The following RTL4 variants were observed in gnomAD, a reference collection of about 807,000 sequenced individuals.
RTL4 encodes the protein retrotransposon Gag-like protein 4.
Under a neutral mutation model 5.3 loss-of-function variants are expected in RTL4, and 4 were observed. The observed-to-expected ratio is 0.75, with a 90% CI of 0.37 to 1.72. The LOEUF is 1.72. Ranked by LOEUF, RTL4 falls within the 40% of genes most tolerant of loss-of-function variation. The pLI, the probability that RTL4 is intolerant of heterozygous loss-of-function variation, is 0.04. For missense variants in RTL4, 260 were observed against 227.1 expected (o/e 1.14, Z -0.93); for synonymous variants, 98 against 87.3 (o/e 1.12, Z -0.68).
At chrX:112,356,579 G>GTGT in the RTL4 span, among the ~76,000 whole-genome samples, 1 of 99,438 alleles carries the variant, frequency 1.0e-5, no homozygotes, top group African/African-American at 3.7e-5. Context: ...TTTGTTTTGG[G>GTGT]GTGTGTGTGT....
the RTL4 span, among the ~76,000 whole-genome samples, chrX:112,329,254 A>G: frequency 9.0e-6 from 1 of 111,199 alleles, no homozygotes; most frequent in Non-Finnish European, 1.9e-5. Flanking sequence ...AAATTGATAG[A>G]CCGCTAGCAA....
At chrX:112,102,826 A>G in the RTL4 span, among the ~76,000 whole-genome samples, 2 of 112,457 alleles carry the variant, frequency 1.8e-5, no homozygotes, top group South Asian at 7.3e-4. Context: ...AAACATATGA[A>G]TAAAAGGTCA....
chrX:112,454,224 A>G (rs1028206296), upstream of RTL4, among the ~76,000 whole-genome samples: 4 of 111,841 alleles, frequency 3.6e-5, no homozygotes, highest in African/African-American at 1.3e-4. Context: ...ATACGTAATG[A>G]GCTTAAAAAA....
the RTL4 span, among the ~76,000 whole-genome samples, chrX:112,175,555 C>T: frequency 1.8e-5 from 2 of 108,717 alleles, no homozygotes; most frequent in African/African-American, 6.7e-5. Flanking sequence ...ATTGACTTGG[C>T]AATGCGGGCT....
chrX:112,130,271 C>T, the RTL4 span, among the ~76,000 whole-genome samples: 3 of 101,286 alleles, frequency 3.0e-5, no homozygotes, highest in Non-Finnish European at 4.0e-5. Flanking sequence ...GAGACGGAGT[C>T]GATTTTTCTA....
the RTL4 span, among the ~76,000 whole-genome samples, chrX:112,419,337 C>CTTTTTTTTTTT: frequency 3.3e-4 from 8 of 24,392 alleles, 2 homozygotes; most frequent in African/African-American, 5.5e-4. Context: ...TTCCATTCAG[C>CTTTTTTTTTTT]TTTTTTTTTT....
chrX:112,264,020 G>T, the RTL4 span, among the ~76,000 whole-genome samples: 1 of 111,556 alleles, frequency 9.0e-6, no homozygotes, highest in Non-Finnish European at 1.9e-5. Flanking sequence ...CTCCCTGATG[G>T]ATGGACTTGA....
At chrX:112,424,121 G>T in the RTL4 span, among the ~76,000 whole-genome samples, 1 of 111,683 alleles carries the variant, frequency 9.0e-6, no homozygotes, top group Non-Finnish European at 1.9e-5. Context: ...GTTTTTTCCA[G>T]TTGGAACTTA....
chrX:112,326,296 G>A, the RTL4 span, among the ~76,000 whole-genome samples: 17 of 111,550 alleles, frequency 1.5e-4, no homozygotes, highest in Middle Eastern at 4.2e-3. Context: ...GTGGATGTGC[G>A]CACCGTGCAT....
chrX:112,297,953 C>T, the RTL4 span, among the ~76,000 whole-genome samples: 91 of 111,704 alleles, frequency 8.1e-4, no homozygotes, highest in African/African-American at 2.6e-3. Context: ...GGGTCTAAGA[C>T]TTAATCATGT....
the RTL4 span, among the ~76,000 whole-genome samples, chrX:112,226,392 G>A: frequency 8.9e-6 from 1 of 111,777 alleles, no homozygotes; most frequent in Non-Finnish European, 1.9e-5. Flanking sequence ...CCATCACTAT[G>A]GGATGCGTTA....
chrX:112,393,166 T>G, the RTL4 span, among the ~76,000 whole-genome samples: 6 of 95,837 alleles, frequency 6.3e-5, no homozygotes, highest in African/African-American at 3.1e-4. Context: ...TTTTTGTTTT[T>G]TTTTTTTGTT....
At chrX:112,100,250 A>G in the RTL4 span, among the ~76,000 whole-genome samples, 1 of 112,242 alleles carries the variant, frequency 8.9e-6, no homozygotes, top group East Asian at 2.8e-4. Flanking sequence ...GTGGGAGCAG[A>G]CATGAGATTG....
the RTL4 span, among the ~76,000 whole-genome samples, chrX:112,282,204 A>T: frequency 8.9e-6 from 1 of 112,182 alleles, no homozygotes; most frequent in Non-Finnish European, 1.9e-5. Context: ...CTTCATGTGG[A>T]TATCCACTTG....
the RTL4 span, among the ~76,000 whole-genome samples, chrX:112,087,357 G>A: frequency 2.8e-4 from 30 of 106,703 alleles, no homozygotes; most frequent in Non-Finnish European, 5.2e-4. Context: ...TCCAATTGTG[G>A]GGAAAAGGGC....
chrX:112,392,374 A>T, the RTL4 span, among the ~76,000 whole-genome samples: 1 of 111,348 alleles, frequency 9.0e-6, no homozygotes, highest in Middle Eastern at 4.7e-3. Flanking sequence ...TTCCCTAGTC[A>T]CCTCCGATTT....
chrX:112,369,222 G>A, the RTL4 span, among the ~76,000 whole-genome samples: 2 of 112,832 alleles, frequency 1.8e-5, no homozygotes, highest in Non-Finnish European at 3.8e-5. Context: ...ACCACAGGCA[G>A]AGCCCTACAG....
chrX:112,398,771 T>C, the RTL4 span, among the ~76,000 whole-genome samples: 717 of 112,204 alleles, frequency 6.4e-3, 7 homozygotes, highest in African/African-American at 0.022. Flanking sequence ...TGAATAGTAG[T>C]TTTCTTTTCT....
the RTL4 span, among the ~76,000 whole-genome samples, chrX:112,169,213 T>A: frequency 9.2e-6 from 1 of 108,374 alleles, no homozygotes; most frequent in African/African-American, 3.4e-5. Context: ...CTCCCAGGTT[T>A]AAGTGATTCT....
Sources: gnomAD v4.1 joint callset for allele counts (sites outside exome capture counted in the v4.1 genomes callset) on GRCh38, gnomAD v4.1.1 for gene constraint, MANE v1.5 for transcripts, NCBI Gene and HGNC (gene_info 2026-07-23, HGNC 2026-07-21) for gene names.